CDH13: variants seen among roughly 807,000 people sequenced by gnomAD.
The protein encoded by CDH13 is cadherin-13.
Under a neutral mutation model 63.8 loss-of-function variants are expected in CDH13, and 24 were observed. The observed-to-expected ratio is 0.38, with a 90% CI of 0.27 to 0.53. The LOEUF is 0.53. Ranked by LOEUF, CDH13 falls within the 20% of genes least tolerant of loss-of-function variation. The pLI, the probability that CDH13 is intolerant of heterozygous loss-of-function variation, is 0.85. For synonymous variants in CDH13, 503 were observed against 355.3 expected (o/e 1.42, Z -4.67); for missense variants, 1,049 against 903.1 (o/e 1.16, Z -2.07).
At chr16:83,035,050 G>T (rs949869332) in intron 3 of CDH13, among the ~76,000 whole-genome samples, 2 of 151,852 alleles carry the variant, frequency 1.3e-5, no homozygotes, top group African/African-American at 4.8e-5. Context: ...AAGGCTTTGT[G>T]AAGATGTGTA....
intron 1 of CDH13, among the ~76,000 whole-genome samples, chr16:82,853,454 G>T (rs2077101400): frequency 6.6e-6 from 1 of 152,164 alleles, no homozygotes; most frequent in South Asian, 2.1e-4. Context: ...TATGTACCAG[G>T]AACTACTTAA....
intron 2 of CDH13, among the ~76,000 whole-genome samples, chr16:82,993,571 A>G (rs966085616): frequency 1.3e-5 from 2 of 152,228 alleles, no homozygotes; most frequent in African/African-American, 4.8e-5. Flanking sequence ...GTTTTCTATA[A>G]GAATTTATTT....
chr16:83,472,875 A>C (rs930248840), intron 6 of CDH13, among the ~76,000 whole-genome samples: 1 of 152,194 alleles, frequency 6.6e-6, no homozygotes, highest in Non-Finnish European at 1.5e-5. Context: ...TGCATTGTTA[A>C]GTTTTATGGA....
chr16:83,745,416 T>TATC (rs1179906396), intron 10 of CDH13, among the ~76,000 whole-genome samples: 1 of 152,146 alleles, frequency 6.6e-6, no homozygotes, highest in African/African-American at 2.4e-5. Context: ...AACAGCGCTG[T>TATC]ATCAGAGCAT....
At chr16:83,075,423 C>G (rs1275424021) in intron 3 of CDH13, among the ~76,000 whole-genome samples, 5 of 152,214 alleles carry the variant, frequency 3.3e-5, no homozygotes, top group Admixed American at 3.3e-4. Flanking sequence ...CTTTCCCAGT[C>G]ATTTTCCTGT....
intron 2 of CDH13, among the ~76,000 whole-genome samples, chr16:82,862,142 TG>T: frequency 6.6e-6 from 1 of 152,218 alleles, no homozygotes; most frequent in Non-Finnish European, 1.5e-5. Flanking sequence ...TTGCCCAGCA[TG>T]GTAGATCTTG....
rs56754640 is a variant in CDH13 at position 83,767,851 on chromosome 16, A to G, written c.1682-12117A>G. On this transcript the variant is annotated intron_variant, in intron 11 of 13. Coordinates refer to ENST00000567109, the MANE Select transcript of CDH13 (RefSeq NM_001257.5). ...TAGTTGCCAGGGGCTGGGAGTGGGC[A>G]TGAAGAGTTAGTACAAATTGGCCCA... is the stretch of plus-strand genomic sequence containing the variant. Among the ~76,000 whole-genome samples the G allele has an allele frequency of 2.8e-3, 432 of 152,308 alleles. 1 individual carries two copies. The highest frequency in any genetic ancestry group is 0.01 in the African/African-American group (417 of 41,572).
chr16:83,252,365 G>A (rs1905682436), intron 5 of CDH13, among the ~76,000 whole-genome samples: 1 of 150,414 alleles, frequency 6.6e-6, no homozygotes, highest in African/African-American at 2.5e-5. Flanking sequence ...AGGATGTTAT[G>A]GTTAATATAA....
chr16:83,754,663 C>G (rs145155730), intron 11 of CDH13, among the ~76,000 whole-genome samples: 1 of 152,194 alleles, frequency 6.6e-6, no homozygotes, highest in Admixed American at 6.5e-5. Context: ...GGGGTTTCCA[C>G]TTTTGCGTCT....
At chr16:83,108,586 C>T (rs2034898861) in intron 3 of CDH13, among the ~76,000 whole-genome samples, 2 of 152,176 alleles carry the variant, frequency 1.3e-5, no homozygotes, top group Admixed American at 1.3e-4. Context: ...TCCCAGTGCA[C>T]AGGTGGGCAT....
At chr16:83,467,695 G>A (rs965570073) in intron 6 of CDH13, among the ~76,000 whole-genome samples, 4 of 152,170 alleles carry the variant, frequency 2.6e-5, no homozygotes, top group South Asian at 2.1e-4. Flanking sequence ...TGTCTGTGTC[G>A]TTCCTGGCTG....
At chr16:83,383,128 C>A (rs1415735726) in intron 6 of CDH13, 1 of 152,150 alleles carries the variant, frequency 6.6e-6, no homozygotes, top group African/African-American at 2.4e-5. Context: ...AGAATGCAGC[C>A]CTACATTCTG....
intron 2 of CDH13, among the ~76,000 whole-genome samples, chr16:82,914,670 C>T (rs1349871789): frequency 1.3e-5 from 2 of 152,162 alleles, no homozygotes; most frequent in African/African-American, 4.8e-5. Flanking sequence ...AGCCCTGGCA[C>T]AGGCAAAAGT....
chr16:82,964,763 C>A (rs778573458), intron 2 of CDH13, among the ~76,000 whole-genome samples: 12 of 152,284 alleles, frequency 7.9e-5, no homozygotes, highest in African/African-American at 1.2e-4. Flanking sequence ...TAAAATATAT[C>A]CGACAGGAAA....
At chr16:83,011,505 C>T (rs1308644029) in intron 2 of CDH13, among the ~76,000 whole-genome samples, 1 of 152,150 alleles carries the variant, frequency 6.6e-6, no homozygotes, top group Non-Finnish European at 1.5e-5. Context: ...ACTGTCATGA[C>T]CCATGTTGCT....
intron 7 of CDH13, among the ~76,000 whole-genome samples, chr16:83,597,082 G>C (rs1373837483): frequency 1.3e-5 from 2 of 152,142 alleles, no homozygotes; most frequent in African/African-American, 2.4e-5. Flanking sequence ...AATTAGCCAG[G>C]TGTGGTGGCA....
intron 2 of CDH13, among the ~76,000 whole-genome samples, chr16:82,996,767 G>A (rs909543698): frequency 6.6e-6 from 1 of 152,080 alleles, no homozygotes; most frequent in Non-Finnish European, 1.5e-5. Flanking sequence ...CTATAGTGAT[G>A]GTGATGACGA....
At chr16:82,795,410 G>C (rs534236324) in intron 1 of CDH13, among the ~76,000 whole-genome samples, 1 of 152,300 alleles carries the variant, frequency 6.6e-6, no homozygotes, top group South Asian at 2.1e-4. Flanking sequence ...GTCAGCCAAT[G>C]CATCAACCTG....
intron 1 of CDH13, among the ~76,000 whole-genome samples, chr16:82,770,690 G>C (rs917000882): frequency 1.3e-5 from 2 of 151,976 alleles, no homozygotes; most frequent in Non-Finnish European, 2.9e-5. Flanking sequence ...CAGTATTATT[G>C]TGGCACACTT....
Sources: gnomAD v4.1 joint callset for allele counts (sites outside exome capture counted in the v4.1 genomes callset) on GRCh38, gnomAD v4.1.1 for gene constraint, MANE v1.5 for transcripts, NCBI Gene and HGNC (gene_info 2026-07-23, HGNC 2026-07-21) for gene names.